The following PARD3B variants were observed in gnomAD, a reference collection of about 807,000 sequenced individuals.
PARD3B encodes par-3 family cell polarity regulator beta, also known as partitioning defective 3 homolog B.
Under a neutral mutation model 130.2 loss-of-function variants are expected in PARD3B, and 103 were observed. The ratio of observed to expected loss-of-function variants is 0.79; its 90% CI spans 0.67 to 0.93. The LOEUF is 0.93. PARD3B is among the 40% of genes least tolerant of loss of function. The pLI is 0.00. For missense variants in PARD3B, 1,609 were observed against 1,499.2 expected (o/e 1.07, Z -1.21); for synonymous variants, 583 against 553.2 (o/e 1.05, Z -0.76).
rs1241485556 is a variant in PARD3B at position 204,890,113 on chromosome 2, TG to T, written c.223-75038del. ...GATGCAGAATTTACCATGTCTGCTT[TG>T]CCTTCTCCGCCTTCTCCGCATGCCA... On this transcript the variant is annotated intron_variant, in intron 2 of 22. Transcript: ENST00000406610. The surrounding 1 kb of genome is among the most constrained non-coding windows in gnomAD (Gnocchi z 4.9). Among the ~76,000 whole-genome samples, 30 of 152,362 alleles carry T rather than the reference TG, an allele frequency of 2.0e-4. No homozygotes were observed. The highest frequency in any genetic ancestry group is 4.4e-5 in the Non-Finnish European group (3 of 68,034).
chr2:204,869,366 T>C (rs925617426), intron 2 of PARD3B, among the ~76,000 whole-genome samples: 3 of 152,158 alleles, frequency 2.0e-5, no homozygotes, highest in African/African-American at 7.2e-5. Flanking sequence ...GAGTGATTCA[T>C]AATCAAACTT....
At chr2:205,119,368 A>G (rs913434934) in intron 7 of PARD3B, among the ~76,000 whole-genome samples, 1 of 151,978 alleles carries the variant, frequency 6.6e-6, no homozygotes, top group East Asian at 1.9e-4. Context: ...CTCTTTTCAC[A>G]GACTGTTGGT....
intron 18 of PARD3B, among the ~76,000 whole-genome samples, chr2:205,389,537 A>G (rs1439172390): frequency 6.6e-6 from 1 of 151,990 alleles, no homozygotes; most frequent in Non-Finnish European, 1.5e-5. Flanking sequence ...TAATTTTTGT[A>G]TTTTTAGTAG....
intron 2 of PARD3B, among the ~76,000 whole-genome samples, chr2:204,883,373 CTTTT>C (rs908695228): frequency 1.7e-5 from 2 of 119,634 alleles, no homozygotes; most frequent in Non-Finnish European, 3.5e-5. Context: ...ACTATATTTT[CTTTT>C]TTTATTTTAT....
intron 18 of PARD3B, among the ~76,000 whole-genome samples, chr2:205,353,563 A>G (rs747340013): frequency 6.6e-5 from 10 of 152,186 alleles, no homozygotes; most frequent in Non-Finnish European, 1.5e-4. Context: ...GGAACCCAAT[A>G]CATGCTTTGT....
rs1405082743 is a variant in PARD3B at position 204,600,618 on chromosome 2, T to C, written c.120+54499T>C. Among the ~76,000 whole-genome samples the C allele has an allele frequency of 2.0e-5, 3 of 149,438 alleles. No individual in the cohort carries two copies. In the East Asian group the frequency reaches 5.9e-4, roughly 29 times the overall value. On this transcript the variant is annotated intron_variant, in intron 1 of 22. Coordinates refer to ENST00000406610, the MANE Select transcript of PARD3B (RefSeq NM_001302769.2). ...TGTGATGCCTGCAGCTTTGTTCTTTTTGTCATAGGGAAATTTTTAAATTTT... is the reference window on the plus strand; with the variant it reads ...TGTGATGCCTGCAGCTTTGTTCTTTCTGTCATAGGGAAATTTTTAAATTTT...
rs2125716554 is a variant in PARD3B, at chr2:204,907,501, T to C, written c.223-57651T>C. ...CCCCCTGCTACTAATGCAGAATAAA[T>C]TATTCTTTTCAGGGAATTTCACTGT... On this transcript the variant is annotated intron_variant, in intron 2 of 22. Coordinates refer to ENST00000406610, the MANE Select transcript of PARD3B (RefSeq NM_001302769.2). The surrounding 1 kb of genome is among the most constrained non-coding windows in gnomAD (Gnocchi z 5.7). Among the ~76,000 whole-genome samples, 1 of 152,296 alleles carries C rather than the reference T, an allele frequency of 6.6e-6. No individual in the cohort carries two copies. Among genetic ancestry groups the C allele is most frequent in the African/African-American group, 2.4e-5 (1 of 41,572 alleles).
chr2:205,120,118 A>G (rs1297630163), intron 7 of PARD3B, among the ~76,000 whole-genome samples: 1 of 152,210 alleles, frequency 6.6e-6, no homozygotes, highest in Admixed American at 6.5e-5. Context: ...AAGTATGAAA[A>G]GAAATGAAAC....
chr2:205,052,589 A>G (rs1377723527), intron 4 of PARD3B, among the ~76,000 whole-genome samples: 1 of 151,498 alleles, frequency 6.6e-6, no homozygotes, highest in Non-Finnish European at 1.5e-5. Context: ...AAGAGATTCT[A>G]TTACTTCAGA....
chr2:205,491,589 G>C (rs1019860875), intron 20 of PARD3B, among the ~76,000 whole-genome samples: 2 of 152,088 alleles, frequency 1.3e-5, no homozygotes, highest in African/African-American at 4.8e-5. Flanking sequence ...TTGGCAATGC[G>C]GGCTCTTTTT....
chr2:205,170,772 A>G (rs941560235), intron 11 of PARD3B, among the ~76,000 whole-genome samples: 5 of 145,762 alleles, frequency 3.4e-5, no homozygotes, highest in African/African-American at 7.6e-5. Flanking sequence ...GTGTCTGGCT[A>G]TCTCATTTCT....
chr2:204,712,779 C>T (rs974523261), intron 2 of PARD3B, among the ~76,000 whole-genome samples: 1 of 151,894 alleles, frequency 6.6e-6, no homozygotes, highest in Non-Finnish European at 1.5e-5. Flanking sequence ...TAGAGTAATA[C>T]CTTTTAAATT....
At chr2:204,974,206 T>G (rs1294632776) in intron 3 of PARD3B, among the ~76,000 whole-genome samples, 1 of 151,932 alleles carries the variant, frequency 6.6e-6, no homozygotes, top group Non-Finnish European at 1.5e-5. Flanking sequence ...CTTTGGGGGG[T>G]TTTGGTGTGT....
chr2:205,467,256 T>G (rs538378876), intron 20 of PARD3B, among the ~76,000 whole-genome samples: 10 of 152,226 alleles, frequency 6.6e-5, no homozygotes, highest in Non-Finnish European at 1.5e-4. Context: ...TCCGTGGGGC[T>G]TGGTTTGCAG....
intron 15 of PARD3B, among the ~76,000 whole-genome samples, chr2:205,219,430 T>C (rs184282375): frequency 6.1e-4 from 93 of 152,296 alleles, no homozygotes; most frequent in Non-Finnish European, 1.1e-3. Flanking sequence ...AAACAATGAA[T>C]CTGGATGACA....
Position 205,122,655 on chromosome 2 carries a change from GT to G in PARD3B, c.1165+711del, listed in dbSNP as rs2030884645. On this transcript the variant is annotated intron_variant, in intron 8 of 22. Transcript: ENST00000406610. This position sits in a 1 kb window ranked among gnomAD's most constrained non-coding sequence, Gnocchi z 4.3. Reference sequence around the variant, plus strand: ...CCATTGCAACCTTCTGAAATTCTGTGTTTTTCAAGACAACTCAAAAGAAACC... The same window carrying G: ...CCATTGCAACCTTCTGAAATTCTGTGTTTTCAAGACAACTCAAAAGAAACC... Among the ~76,000 whole-genome samples, 1 of 152,198 alleles carries G rather than the reference GT, an allele frequency of 6.6e-6. No homozygotes were observed. The highest frequency in any genetic ancestry group is 6.5e-5 in the Admixed American group (1 of 15,290).
intron 2 of PARD3B, among the ~76,000 whole-genome samples, chr2:204,844,958 A>G (rs1284294169): frequency 1.3e-5 from 2 of 152,252 alleles, no homozygotes; most frequent in African/African-American, 2.4e-5. Flanking sequence ...CCACTGGGCC[A>G]CATTTCTAGG....
intron 2 of PARD3B, among the ~76,000 whole-genome samples, chr2:204,762,116 A>ATTTTTTTTTTTTTTTTTTTTTTTTTTT (rs968166780): frequency 4.2e-5 from 4 of 95,378 alleles, no homozygotes; most frequent in Non-Finnish European, 6.2e-5. Context: ...TTCTTTTTCT[A>ATTTTTTTTTTTTTTTTTTTTTTTTTTT]TTTTTTTTTT....
chr2:205,086,849 C>T (rs958434530), intron 4 of PARD3B, among the ~76,000 whole-genome samples: 1 of 152,198 alleles, frequency 6.6e-6, no homozygotes, highest in Non-Finnish European at 1.5e-5. Context: ...CCTAATAAAT[C>T]AAATTGTGCA....
Sources: allele counts gnomAD v4.1 joint callset (sites outside exome capture counted in the v4.1 genomes callset), GRCh38; gene constraint gnomAD v4.1.1; non-coding constraint Gnocchi (gnomAD v3.1); transcripts MANE v1.5; gene names NCBI Gene and HGNC (gene_info 2026-07-23, HGNC 2026-07-21).